The following STXBP3 variants were observed in gnomAD, a reference collection of about 807,000 sequenced individuals.
STXBP3 encodes the protein syntaxin binding protein 3.
In STXBP3, 41 loss-of-function variants were observed where a neutral mutation model predicts 85.7. The ratio of observed to expected loss-of-function variants is 0.48; its 90% CI spans 0.37 to 0.62. STXBP3 has a LOEUF of 0.62. Ranked by LOEUF, STXBP3 falls within the 20% of genes least tolerant of loss-of-function variation. The probability of loss-of-function intolerance (pLI) is 0.00; values close to 1 mark genes in which losing one functional copy is unlikely to be tolerated. For synonymous variants in STXBP3, 229 were observed against 231.7 expected (o/e 0.99, Z 0.10); for missense variants, 563 against 703.1 (o/e 0.80, Z 2.25).
intron 11 of STXBP3, among the ~76,000 whole-genome samples, chr1:108,783,302 T>C (rs1415351216): frequency 1.3e-5 from 2 of 152,228 alleles, no homozygotes; most frequent in African/African-American, 2.4e-5. Flanking sequence ...CTTTTACTTA[T>C]ATATACCCTT....
intron 6 of STXBP3, among the ~76,000 whole-genome samples, 193 bp from the exon 7 acceptor site, chr1:108,772,472 T>A (rs1291496044): frequency 6.9e-6 from 1 of 145,074 alleles, no homozygotes; most frequent in Admixed American, 7.0e-5. Context: ...TATATCTATC[T>A]GTATAATATA....
At chr1:108,768,929 T>C (rs1186662016) in intron 6 of STXBP3, among the ~76,000 whole-genome samples, 3 of 152,044 alleles carry the variant, frequency 2.0e-5, no homozygotes, top group African/African-American at 4.8e-5. Context: ...ACATATATAA[T>C]AAGGCAAGTA....
chr1:108,793,035 G>A (rs141079682), intron 11 of STXBP3, among the ~76,000 whole-genome samples: 7 of 152,044 alleles, frequency 4.6e-5, no homozygotes, highest in South Asian at 2.1e-4. Context: ...CCCTGTACAT[G>A]TGCAGCTTAG....
intron 16 of STXBP3, 100 bp from the exon 17 acceptor site, chr1:108,800,120 C>G (rs114643490): frequency 0.012 from 8,903 of 769,094 alleles, 91 homozygotes; most frequent in Middle Eastern, 0.021. Context: ...ATATTTATGT[C>G]TAAGGTTCCT....
chr1:108,802,307 G>A (rs1404638501), intron 17 of STXBP3, among the ~76,000 whole-genome samples: 1 of 152,196 alleles, frequency 6.6e-6, no homozygotes, highest in Non-Finnish European at 1.5e-5. Context: ...TGAGGCAGGA[G>A]AATCGCTTGA....
chr1:108,785,730 T>C (rs562922181), intron 11 of STXBP3, among the ~76,000 whole-genome samples: 1 of 152,244 alleles, frequency 6.6e-6, no homozygotes, highest in South Asian at 2.1e-4. Context: ...TGCTGAGAAG[T>C]TTCTTCTGCC....
intron 18 of STXBP3, 44 bp downstream of exon 18, chr1:108,807,593 T>TG: frequency 6.7e-7 from 1 of 1,484,024 alleles, no homozygotes; most frequent in Non-Finnish European, 9.1e-7. Context: ...TTTTTTTTTT[T>TG]GAGACTAAGT....
intron 6 of STXBP3, among the ~76,000 whole-genome samples, chr1:108,769,130 A>G (rs1359381819): frequency 6.6e-6 from 1 of 152,206 alleles, no homozygotes; most frequent in African/African-American, 2.4e-5. Context: ...CTAACAAAGT[A>G]AGCTAGAGAA....
chr1:108,790,653 G>A (rs1435454688), intron 11 of STXBP3, among the ~76,000 whole-genome samples: 1 of 150,922 alleles, frequency 6.6e-6, no homozygotes, highest in Non-Finnish European at 1.5e-5. Flanking sequence ...TCTTTATCAA[G>A]TCTTTTTTAA....
chr1:108,762,616 A>T (rs1281541634), intron 6 of STXBP3, among the ~76,000 whole-genome samples: 2 of 152,152 alleles, frequency 1.3e-5, no homozygotes, highest in African/African-American at 2.4e-5. Context: ...TTCCCATAGG[A>T]AGGGTGCCAA....
chr1:108,807,944 C>A (rs1425348592), intron 18 of STXBP3, among the ~76,000 whole-genome samples: 2 of 152,156 alleles, frequency 1.3e-5, no homozygotes, highest in African/African-American at 4.8e-5. Context: ...TTGTGTTATA[C>A]ATTTGAGACA....
chr1:108,747,477 T>C (rs909120039), intron 1 of STXBP3, among the ~76,000 whole-genome samples: 5 of 152,322 alleles, frequency 3.3e-5, no homozygotes, highest in African/African-American at 1.2e-4. Context: ...GGACTCCTTA[T>C]TGGTTACTGA....
rs759094378 is a variant in STXBP3 at position 108,772,683 on chromosome 1, C to T, written c.457C>T (p.Pro153Ser). Residue 153 changes from proline (P) to serine (S), a missense_variant, in exon 7 of 19, where the codon CCA becomes TCA. Pro to Ser is a moderately conservative substitution (Grantham distance 74, BLOSUM62 -1). Coordinates refer to ENST00000370008, the MANE Select transcript of STXBP3 (RefSeq NM_007269.4). The stretch of plus-strand genomic sequence containing the variant: ...AACTTAGGTGTATACTCTTGATGTA[C>T]CAGATGCATTCTATTACTGTTATAG... ...HESQVYTLDV[P>S]DAFYYCYSPD... 2.0e-6 allele frequency: 3 copies of T among 1,526,742 alleles called. No individual in the cohort carries two copies. The highest frequency in any genetic ancestry group is 2.6e-6 in the Non-Finnish European group (3 of 1,132,106). 94.6% of individuals were successfully genotyped at this position (1,526,742 alleles called of 1,614,324 possible).
intron 6 of STXBP3, among the ~76,000 whole-genome samples, chr1:108,765,534 G>C (rs1662242443): frequency 6.7e-6 from 1 of 149,898 alleles, no homozygotes. Context: ...CTGTGCAAAG[G>C]TGTGAAAATG....
intron 17 of STXBP3, among the ~76,000 whole-genome samples, chr1:108,803,368 A>T (rs375299050): frequency 6.6e-6 from 1 of 152,210 alleles, no homozygotes; most frequent in Non-Finnish European, 1.5e-5. Context: ...TTGGTTTTTT[A>T]AAATTCAGTT....
rs143945539 is a variant in STXBP3 at position 108,765,822 on chromosome 1, C to G, written c.438+5737C>G. Among the ~76,000 whole-genome samples, 1,154 of 147,208 alleles carry G rather than the reference C, an allele frequency of 7.8e-3. 17 individuals carry two copies. The highest frequency in any genetic ancestry group is 0.028 in the African/African-American group (1,105 of 39,722). On this transcript the variant is annotated intron_variant, in intron 6 of 18. Transcript: ENST00000370008. ...CTGACCTCCCAAAGTGCTGGGATTA[C>G]AGGTGTGAGCCACTGCTCCCGGCAT...
chr1:108,790,076 T>C (rs1173673578), intron 11 of STXBP3, among the ~76,000 whole-genome samples: 2 of 152,144 alleles, frequency 1.3e-5, no homozygotes, highest in East Asian at 3.8e-4. Flanking sequence ...ATATAAATTC[T>C]GTATGTGTCA....
rs1557805565 is a variant in STXBP3, at chr1:108,771,488, C to CATATATAAATATATATG, written c.439-1152_439-1136dup. Among the ~76,000 whole-genome samples, 40 of 14,884 alleles carry CATATATAAATATATATG rather than the reference C, an allele frequency of 2.7e-3. 1 individual carries two copies. The highest frequency in any genetic ancestry group is 0.025 in the Middle Eastern group (1 of 40). 9.8% of individuals were successfully genotyped at this position (14,884 alleles called of 152,430 possible). A position where few individuals can be genotyped will look rare whatever the true frequency, so the allele number is the denominator to read the frequency against. ...ATATATGATATATATCTATATATAT[C>CATATATAAATATATATG]ATATATAAATATATATGATATATAA... On this transcript the variant is annotated intron_variant, in intron 6 of 18. Transcript: ENST00000370008.
At chr1:108,795,070 G>A (rs995198470) in intron 13 of STXBP3, among the ~76,000 whole-genome samples, 163 bp downstream of exon 13, 12 of 152,112 alleles carry the variant, frequency 7.9e-5, no homozygotes, top group Admixed American at 5.2e-4. Context: ...GTCATTCCCC[G>A]CTAACATTAA....
Sources: gnomAD v4.1 joint callset for allele counts (sites outside exome capture counted in the v4.1 genomes callset) on GRCh38, gnomAD v4.1.1 for gene constraint, MANE v1.5 for transcripts, NCBI Gene and HGNC (gene_info 2026-07-23, HGNC 2026-07-21) for gene names.